The following GSN variants were observed in gnomAD, a reference collection of about 807,000 sequenced individuals.
GSN encodes actin-depolymerizing factor.
Under a neutral mutation model 85.7 loss-of-function variants are expected in GSN, and 56 were observed. The observed-to-expected ratio is 0.65, with a 90% CI of 0.53 to 0.82. The LOEUF (loss-of-function observed/expected upper bound fraction) is 0.82. Ranked by LOEUF, GSN falls within the 40% of genes least tolerant of loss-of-function variation. The pLI is 0.00. For missense variants in GSN, 857 were observed against 979.8 expected (o/e 0.87, Z 1.67); for synonymous variants, 373 against 399.1 (o/e 0.93, Z 0.78).
intron 4 of GSN, among the ~76,000 whole-genome samples, chr9:121,222,756 C>G (rs1437672824): frequency 6.6e-6 from 1 of 152,134 alleles, no homozygotes; most frequent in African/African-American, 2.4e-5. Flanking sequence ...GAGTAAGAGA[C>G]TGAGGCAAAT....
intron 3 of GSN, 112 bp from the exon 4 acceptor site, chr9:121,302,799 A>G: frequency 1.9e-6 from 2 of 1,047,044 alleles, no homozygotes; most frequent in East Asian, 4.8e-5. Context: ...GGGCTTTCTC[A>G]GCTTCTACAG....
chr9:121,218,059 A>G (rs1046250799), intron 4 of GSN, among the ~76,000 whole-genome samples: 1 of 152,236 alleles, frequency 6.6e-6, no homozygotes, highest in African/African-American at 2.4e-5. Flanking sequence ...AGTCTACCTC[A>G]TGCCCTGACT....
At chr9:121,249,180 T>A (rs4837822) in intron 6 of GSN, among the ~76,000 whole-genome samples, 3 of 151,850 alleles carry the variant, frequency 2.0e-5, no homozygotes, top group Non-Finnish European at 4.4e-5. Context: ...TGCAAGAGAC[T>A]GGGCGTGGTG....
chr9:121,253,278 G>A (rs1396257591), intron 6 of GSN, among the ~76,000 whole-genome samples: 1 of 152,314 alleles, frequency 6.6e-6, no homozygotes, highest in East Asian at 1.9e-4. Flanking sequence ...TTTTAAGCAG[G>A]TGAGTAATGT....
intron 4 of GSN, among the ~76,000 whole-genome samples, chr9:121,217,503 T>A (rs4837815): frequency 0.34 from 51,991 of 151,930 alleles, 11,059 homozygotes; most frequent in East Asian, 0.59. Context: ...CCATTAGTTC[T>A]TTTTCCTGAG....
At chr9:121,240,679 C>T (rs2054586125) in intron 5 of GSN, among the ~76,000 whole-genome samples, 1 of 152,120 alleles carries the variant, frequency 6.6e-6, no homozygotes, top group Non-Finnish European at 1.5e-5. Context: ...GACAATCCTG[C>T]TAGGGCCTCA....
chr9:121,314,632 CT>C (rs1048196021), intron 7 of GSN, among the ~76,000 whole-genome samples: 2 of 151,606 alleles, frequency 1.3e-5, no homozygotes, highest in African/African-American at 4.8e-5. Context: ...GATTTTTTTT[CT>C]GATTATGAAG....
At position 121,329,822 on chromosome 9, in the gene GSN, T is replaced by A. The variant is rs1252750216; in HGVS notation, c.1965+507T>A. 3.9e-5 allele frequency among the ~76,000 whole-genome samples: 6 copies of A among 152,188 alleles called. No individual in the cohort carries two copies. The highest frequency in any genetic ancestry group is 5.9e-5 in the Non-Finnish European group (4 of 68,032). ...ATTCACTTACTCAACCAATATTAATTGGGCACTGCTTTGTGCCAGGTGCTT... is the reference window on the plus strand; with the variant it reads ...ATTCACTTACTCAACCAATATTAATAGGGCACTGCTTTGTGCCAGGTGCTT... On this transcript the variant is annotated intron_variant, in intron 16 of 17. Coordinates refer to ENST00000432226, the MANE Select transcript of GSN (RefSeq NM_198252.3). The surrounding 1 kb of genome is among the most constrained non-coding windows in gnomAD (Gnocchi z 4.6).
rs1295095768 is a variant in GSN, at chr9:121,324,550, C to T, written c.1326-4C>T. The stretch of plus-strand genomic sequence containing the variant: ...CTGATGCTGAATCTCACTTCCCCTT[C>T]CAGGCAGGGTGCCCAGTCTACCCAG... On this transcript the variant is annotated splice_polypyrimidine_tract_variant and splice_region_variant and intron_variant, in intron 11 of 17. Coordinates refer to ENST00000432226, the MANE Select transcript of GSN (RefSeq NM_198252.3). The T allele has an allele frequency of 1.3e-6, 2 of 1,486,730 alleles. No homozygotes were observed. The highest frequency in any genetic ancestry group is 1.4e-5 in the African/African-American group (1 of 71,796). 92.1% of individuals were successfully genotyped at this position (1,486,730 alleles called of 1,614,324 possible).
chr9:121,331,294 T>C (rs1005791347), intron 16 of GSN, 94 bp from the exon 17 acceptor site: 1 of 769,272 alleles, frequency 1.3e-6, no homozygotes, highest in Admixed American at 2.0e-5. Context: ...GAGGGCTTTG[T>C]CTGGTCTGAT....
At chr9:121,235,977 C>T (rs1212746211) in intron 5 of GSN, among the ~76,000 whole-genome samples, 1 of 152,198 alleles carries the variant, frequency 6.6e-6, no homozygotes, top group Non-Finnish European at 1.5e-5. Context: ...AACAAAGTAT[C>T]ATGAACTGGG....
rs1350375494 is a variant in GSN, at chr9:121,329,090, G to A, written c.1887+75G>A. 2.5e-6 allele frequency: 4 copies of A among 1,585,930 alleles called. No homozygotes were observed. The highest frequency in any genetic ancestry group is 2.6e-6 in the Non-Finnish European group (3 of 1,162,552). On this transcript the variant is annotated intron_variant, in intron 15 of 17. Transcript: ENST00000432226. The surrounding 1 kb of genome is among the most constrained non-coding windows in gnomAD (Gnocchi z 4.6). ...TCCACAGGACTGGCCGGCAGCAGGGGCAGGAGAAACAGTTCTGATGGTGTG... is the reference window on the plus strand; with the variant it reads ...TCCACAGGACTGGCCGGCAGCAGGGACAGGAGAAACAGTTCTGATGGTGTG...
intron 2 of GSN, among the ~76,000 whole-genome samples, chr9:121,300,658 G>C (rs1429124681): frequency 1.3e-5 from 2 of 152,184 alleles, no homozygotes; most frequent in Non-Finnish European, 2.9e-5. Flanking sequence ...CCCGGCCCCA[G>C]CCCCAGTGCA....
At chr9:121,317,523 T>C (rs2900193) in intron 8 of GSN, 21,887 of 395,308 alleles carry the variant, frequency 0.055, 1,550 homozygotes, top group Admixed American at 0.19. Flanking sequence ...AACATCTAAC[T>C]GTATGGTCAG....
intron 1 of GSN, among the ~76,000 whole-genome samples, chr9:121,208,187 G>C (rs1002180465): frequency 6.6e-6 from 1 of 152,196 alleles, no homozygotes; most frequent in Non-Finnish European, 1.5e-5. Flanking sequence ...AACTGGGAAA[G>C]TGTAACTGAA....
upstream of GSN, among the ~76,000 whole-genome samples, chr9:121,206,118 T>G (rs1443328914): frequency 6.6e-6 from 1 of 152,138 alleles, no homozygotes; most frequent in Non-Finnish European, 1.5e-5. Context: ...TAATACAATT[T>G]GTACTCTAAA....
At chr9:121,275,401 G>A (rs1259843844) in intron 1 of GSN, among the ~76,000 whole-genome samples, 7 of 152,094 alleles carry the variant, frequency 4.6e-5, no homozygotes, top group Admixed American at 2.0e-4. Flanking sequence ...TGGATGCTGG[G>A]AATTTGTATT....
intron 10 of GSN, among the ~76,000 whole-genome samples, chr9:121,320,307 C>G (rs2062254128): frequency 6.6e-6 from 1 of 152,236 alleles, no homozygotes; most frequent in African/African-American, 2.4e-5. Flanking sequence ...AGGGGTCACA[C>G]TGAGGTTGCC....
intron 2 of GSN, among the ~76,000 whole-genome samples, chr9:121,297,110 C>G (rs2059293406): frequency 6.6e-6 from 1 of 152,182 alleles, no homozygotes; most frequent in South Asian, 2.1e-4. Context: ...AAAATTTCTT[C>G]CTACTTGTTT....
Sources: gnomAD v4.1 joint callset for allele counts (sites outside exome capture counted in the v4.1 genomes callset) on GRCh38, gnomAD v4.1.1 for gene constraint, Gnocchi (gnomAD v3.1) non-coding constraint, MANE v1.5 for transcripts, NCBI Gene and HGNC (gene_info 2026-07-23, HGNC 2026-07-21) for gene names.